Variants in NKIRAS1 observed in about 807,000 individuals in gnomAD.
The protein encoded by NKIRAS1 is NFKB inhibitor interacting Ras like 1.
In NKIRAS1, 16 loss-of-function variants were observed where a neutral mutation model predicts 19.8. That is an observed-to-expected ratio of 0.81 (90% CI 0.55 to 1.23). The LOEUF (loss-of-function observed/expected upper bound fraction) is 1.23, where lower values mean the gene tolerates loss of function less well. NKIRAS1 is among the 50% of genes most tolerant of loss of function. The pLI is 0.00. For missense variants in NKIRAS1, 184 were observed against 220.0 expected, an observed-to-expected ratio of 0.84 and a Z score of 1.04; for synonymous variants, 88 against 79.0, an observed-to-expected ratio of 1.11 and a Z score of -0.61.
chr3:23,917,457 G>A (rs1704680688), upstream of NKIRAS1: 1 of 156,848 alleles, frequency 6.4e-6, no homozygotes, highest in Admixed American at 6.5e-5. Context: ...GAGGCTGCTG[G>A]TTGGGTGGGG....
chr3:23,911,074 C>T, intron 2 of NKIRAS1, 153 bp from the exon 3 acceptor site: 1 of 621,382 alleles, frequency 1.6e-6, no homozygotes, highest in Non-Finnish European at 2.8e-6. Flanking sequence ...GCCTTCCAAA[C>T]CCCATTCCCC....
intron 1 of NKIRAS1, among the ~76,000 whole-genome samples, chr3:23,933,546 C>A (rs750712728): frequency 8.5e-5 from 13 of 152,186 alleles, no homozygotes; most frequent in Admixed American, 3.9e-4. Flanking sequence ...GTTGAGAAAA[C>A]CCTGTTGTAC....
chr3:23,939,748 C>CAAAA (rs1213042895), intron 1 of NKIRAS1, among the ~76,000 whole-genome samples: 8 of 151,652 alleles, frequency 5.3e-5, no homozygotes. Context: ...CGTCTCAAAA[C>CAAAA]AAACAAACAA....
At chr3:23,920,099 A>C (rs1381768090), upstream of NKIRAS1, 1 of 985,806 alleles carries the variant, frequency 1.0e-6, no homozygotes, top group Non-Finnish European at 1.2e-6. Flanking sequence ...TGTGCGATAA[A>C]ATTATTAGCC....
In NKIRAS1 at chr3:23,890,782, C is replaced by A; in HGVS notation, c.*2313G>T. 1 of 507,632 alleles carries A rather than the reference C, an allele frequency of 2.0e-6. No individual in the cohort carries two copies. The highest frequency in any genetic ancestry group is 3.3e-6 in the Non-Finnish European group (1 of 304,114). The allele number at this position is 507,632 out of a possible 1,614,324, so 31.4% of individuals were successfully genotyped here. On this transcript the variant is annotated 3_prime_UTR_variant, in exon 5 of 5. Coordinates refer to ENST00000425478, the MANE Select transcript of NKIRAS1 (RefSeq NM_020345.4). Reference sequence around the variant, plus strand: ...ACTTAAGGTATCTTGCTACAGTAGACAGAATTGGTAATAGCAACTTTTAAA... The same window carrying A: ...ACTTAAGGTATCTTGCTACAGTAGAAAGAATTGGTAATAGCAACTTTTAAA...
intron 1 of NKIRAS1, among the ~76,000 whole-genome samples, chr3:23,924,608 C>G (rs930562846): frequency 1.3e-5 from 2 of 152,104 alleles, no homozygotes; most frequent in Non-Finnish European, 2.9e-5. Context: ...CCATGTTTGC[C>G]AGGCTGGTCT....
At chr3:23,913,548 A>G (rs1353508774) in intron 1 of NKIRAS1, among the ~76,000 whole-genome samples, 4 of 152,264 alleles carry the variant, frequency 2.6e-5, no homozygotes, top group Non-Finnish European at 5.9e-5. Context: ...TTGAATAAAT[A>G]ACACATACAC....
In NKIRAS1 at chr3:23,926,575, A is replaced by G. The variant is rs1705218433; in HGVS notation, c.-139-15125T>C. ...GGCATATGAAGTCTAGTTTTACCGTAAAAAGTTTGATGTATAGATTTCATA... is the reference window on the plus strand; with the variant it reads ...GGCATATGAAGTCTAGTTTTACCGTGAAAAGTTTGATGTATAGATTTCATA... On this transcript the variant is annotated intron_variant, in intron 1 of 4. Coordinates refer to the NKIRAS1 transcript ENST00000421515. This position sits in a 1 kb window ranked among gnomAD's most constrained non-coding sequence, Gnocchi z 4.3. Among the ~76,000 whole-genome samples, 1 of 151,964 alleles carries G rather than the reference A, an allele frequency of 6.6e-6. No homozygotes were observed. Among genetic ancestry groups the G allele is most frequent in the Non-Finnish European group, 1.5e-5 (1 of 67,998 alleles).
chr3:23,933,861 A>G (rs896731915), intron 1 of NKIRAS1, among the ~76,000 whole-genome samples: 1 of 152,164 alleles, frequency 6.6e-6, no homozygotes, highest in African/African-American at 2.4e-5. Flanking sequence ...GGTGTCTGGT[A>G]AAGGGCCCAG....
At chr3:23,901,931 G>C (rs906225983) in intron 3 of NKIRAS1, among the ~76,000 whole-genome samples, 2 of 152,146 alleles carry the variant, frequency 1.3e-5, no homozygotes, top group Non-Finnish European at 1.5e-5. Context: ...AAATTCGCTG[G>C]GTGTGGTGGC....
chr3:23,945,085 G>A (rs546457030), intron 1 of NKIRAS1, among the ~76,000 whole-genome samples: 5 of 149,014 alleles, frequency 3.4e-5, no homozygotes, highest in Middle Eastern at 6.8e-3. Flanking sequence ...GCACGGAGGG[G>A]AAAAACGAAG....
intron 1 of NKIRAS1, among the ~76,000 whole-genome samples, chr3:23,928,615 C>T (rs995266396): frequency 6.7e-6 from 1 of 148,316 alleles, no homozygotes; most frequent in Non-Finnish European, 1.5e-5. Flanking sequence ...TACTGAAGTG[C>T]TTTTAGGAGA....
intron 3 of NKIRAS1, among the ~76,000 whole-genome samples, chr3:23,901,941 C>G (rs1033642687): frequency 2.0e-5 from 3 of 152,092 alleles, no homozygotes; most frequent in Non-Finnish European, 4.4e-5. Context: ...GGTGTGGTGG[C>G]GGGCACCTGT....
At chr3:23,941,606 C>A (rs1705498947) in intron 1 of NKIRAS1, among the ~76,000 whole-genome samples, 1 of 152,124 alleles carries the variant, frequency 6.6e-6, no homozygotes, top group Admixed American at 6.6e-5. Context: ...GGAATGACAG[C>A]AGCAAAAGGC....
chr3:23,926,543 A>T lies in NKIRAS1; in HGVS notation c.-139-15093T>A, dbSNP rs1448327281. On this transcript the variant is annotated intron_variant, in intron 1 of 4. Coordinates refer to the NKIRAS1 transcript ENST00000421515. This position sits in a 1 kb window ranked among gnomAD's most constrained non-coding sequence, Gnocchi z 4.3. ...TTTTTGTGTCATTCTCTAGTAGATG[A>T]AGATGAGGCATATGAAGTCTAGTTT... Among the ~76,000 whole-genome samples the T allele has an allele frequency of 6.6e-6, 1 of 151,736 alleles. No homozygotes were observed. Among genetic ancestry groups the T allele is most frequent in the African/African-American group, 2.4e-5 (1 of 41,268 alleles).
At position 23,890,228 on chromosome 3, in the gene NKIRAS1, AG is replaced by A. The variant is rs1701354141; in HGVS notation, c.*2866del. ...TACTGAACTCAGCCTAACACATAAG[AG>A]TAAAGAAACTCCAATTGAGTGTTGT... On this transcript the variant is annotated 3_prime_UTR_variant, in exon 5 of 5. Coordinates refer to ENST00000425478, the MANE Select transcript of NKIRAS1 (RefSeq NM_020345.4). Among the ~76,000 whole-genome samples, 1 of 152,192 alleles carries A rather than the reference AG, an allele frequency of 6.6e-6. No homozygotes were observed. The highest frequency in any genetic ancestry group is 1.9e-4 in the East Asian group (1 of 5,200).
intron 1 of NKIRAS1, chr3:23,946,021 G>C: frequency 1.3e-6 from 1 of 798,398 alleles, no homozygotes; most frequent in Non-Finnish European, 1.5e-6. Flanking sequence ...AGGGACACGT[G>C]GGGGCGGGGG....
chr3:23,912,360 C>T (rs1191490953), intron 1 of NKIRAS1, among the ~76,000 whole-genome samples: 1 of 151,934 alleles, frequency 6.6e-6, no homozygotes, highest in Non-Finnish European at 1.5e-5. Flanking sequence ...AACAAACAAC[C>T]CCATCAAAAA....
chr3:23,921,701 A>C (rs1224723077), upstream of NKIRAS1: 1 of 660,062 alleles, frequency 1.5e-6, no homozygotes, highest in East Asian at 2.7e-5. Context: ...CGGCCTCCCA[A>C]ATAGCCAGGA....
Sources: gnomAD v4.1 joint callset for allele counts (sites outside exome capture counted in the v4.1 genomes callset) on GRCh38, gnomAD v4.1.1 for gene constraint, Gnocchi (gnomAD v3.1) non-coding constraint, MANE v1.5 for transcripts, NCBI Gene and HGNC (gene_info 2026-07-23, HGNC 2026-07-21) for gene names.